ANKFN1: variants seen among roughly 807,000 people sequenced by gnomAD.
The protein encoded by ANKFN1 is ankyrin repeat and fibronectin type III domain containing 1, also known as ankyrin repeat and fibronectin type-III domain-containing protein 1.
Under a neutral mutation model 108.7 loss-of-function variants are expected in ANKFN1, and 74 were observed. The ratio of observed to expected loss-of-function variants is 0.68; its 90% CI spans 0.56 to 0.83. The LOEUF is 0.83. ANKFN1 is among the 40% of genes least tolerant of loss of function. ANKFN1 has a pLI of 0.00. For synonymous variants in ANKFN1, 547 were observed against 516.2 expected (o/e 1.06, Z -0.81); for missense variants, 1,505 against 1,382.3 (o/e 1.09, Z -1.41).
chr17:56,068,204 T>C (rs554822264), intron 4 of ANKFN1, among the ~76,000 whole-genome samples: 9 of 152,066 alleles, frequency 5.9e-5, no homozygotes, highest in Non-Finnish European at 1.0e-4. Context: ...CTGTGAAGCA[T>C]CCCTTGACCC....
chr17:56,295,609 G>A (rs2044487100), intron 3 of ANKFN1, among the ~76,000 whole-genome samples: 2 of 151,316 alleles, frequency 1.3e-5, no homozygotes, highest in South Asian at 4.1e-4. Context: ...AAAGCCGTGT[G>A]TGGGCGGTGT....
At chr17:56,509,753 G>A (rs763866528) in intron 20 of ANKFN1, among the ~76,000 whole-genome samples, 1 of 152,184 alleles carries the variant, frequency 6.6e-6, no homozygotes, top group Admixed American at 6.5e-5. Context: ...AGGAAGAAAA[G>A]CATTCCTTCT....
At chr17:56,449,043 T>C in intron 10 of ANKFN1, 36 bp from the exon 11 acceptor site, 1 of 1,594,900 alleles carries the variant, frequency 6.3e-7, no homozygotes, top group Non-Finnish European at 8.6e-7. Flanking sequence ...TCCCCTGTTT[T>C]AAAATTTCAC....
rs539361747 is a variant in ANKFN1, at chr17:56,310,386, G to A, written c.54-15835G>A. Among the ~76,000 whole-genome samples the A allele has an allele frequency of 3.3e-5, 5 of 152,274 alleles. No individual in the cohort carries two copies. In the South Asian group the frequency reaches 8.3e-4, roughly 25 times the overall value. On this transcript the variant is annotated intron_variant, in intron 3 of 20. Coordinates refer to ENST00000682825, the MANE Select transcript of ANKFN1 (RefSeq NM_001370326.1). ...TAATCCCAGCACTTTGGGAGGCCGA[G>A]GCGGGCGGATCACGAGGTCAGGAGA...
chr17:56,176,965 C>T (rs972650152), intron 1 of ANKFN1, among the ~76,000 whole-genome samples: 1 of 152,166 alleles, frequency 6.6e-6, no homozygotes, highest in African/African-American at 2.4e-5. Flanking sequence ...GTTACTCAAT[C>T]CTATAACTTA....
chr17:56,442,776 T>C, intron 9 of ANKFN1, 67 bp from the exon 10 acceptor site: 4 of 1,402,798 alleles, frequency 2.9e-6, no homozygotes, highest in East Asian at 4.6e-5. Flanking sequence ...TTAAATTCTA[T>C]ACCCATAGAG....
chr17:56,250,365 GA>G (rs1445575509), intron 3 of ANKFN1, among the ~76,000 whole-genome samples: 1 of 152,176 alleles, frequency 6.6e-6, no homozygotes, highest in African/African-American at 2.4e-5. Context: ...CGCAGCTATT[GA>G]AAAAGAAGGG....
intron 1 of ANKFN1, among the ~76,000 whole-genome samples, chr17:56,182,143 G>A (rs1911741974): frequency 6.6e-6 from 1 of 152,070 alleles, no homozygotes. Context: ...ACACAATACT[G>A]AGAATAGGCC....
In ANKFN1 at chr17:56,502,174, C is replaced by T. The variant is rs190553964; in HGVS notation, c.2644+3076C>T. 6.8e-4 allele frequency among the ~76,000 whole-genome samples: 103 copies of T among 152,282 alleles called. 1 individual carries two copies. In the East Asian group the frequency reaches 0.017, roughly 26 times the overall value. ...AACTCTTCATTTCTATTTCCACCTT[C>T]GCAGCCCCTGTCTGCCCTCTCAGCT... On this transcript the variant is annotated intron_variant, in intron 20 of 20. Coordinates refer to ENST00000682825, the MANE Select transcript of ANKFN1 (RefSeq NM_001370326.1).
intron 3 of ANKFN1, among the ~76,000 whole-genome samples, chr17:56,233,648 C>T (rs559521915): frequency 5.3e-4 from 81 of 152,084 alleles, no homozygotes; most frequent in Non-Finnish European, 1.1e-3. Flanking sequence ...ACAACTCCTC[C>T]ATTCCCTATA....
At chr17:56,480,915 GTGTGTGTA>G (rs942453763) in intron 17 of ANKFN1, 97 bp downstream of exon 17, 259 of 1,320,498 alleles carry the variant, frequency 2.0e-4, no homozygotes, top group Middle Eastern at 2.2e-4. Flanking sequence ...GTGTGTGTGT[GTGTGTGTA>G]AATTTTCCTT....
At chr17:56,310,691 T>C (rs563981442) in intron 3 of ANKFN1, among the ~76,000 whole-genome samples, 1 of 152,260 alleles carries the variant, frequency 6.6e-6, no homozygotes, top group African/African-American at 2.4e-5. Flanking sequence ...CTGATATATA[T>C]TGTGAAATGA....
At chr17:56,337,661 C>T (rs1307754999) in intron 4 of ANKFN1, among the ~76,000 whole-genome samples, 1 of 151,854 alleles carries the variant, frequency 6.6e-6, no homozygotes, top group Non-Finnish European at 1.5e-5. Flanking sequence ...ACAGACACTT[C>T]TCAAAAGAAG....
chr17:56,123,729 A>G (rs1056764941), intron 4 of ANKFN1, among the ~76,000 whole-genome samples: 2 of 151,720 alleles, frequency 1.3e-5, no homozygotes, highest in Admixed American at 6.6e-5. Context: ...GGATTAACAA[A>G]CTCAAGTTTG....
intron 4 of ANKFN1, among the ~76,000 whole-genome samples, chr17:56,072,597 T>C (rs1905133191): frequency 6.6e-6 from 1 of 152,230 alleles, no homozygotes; most frequent in Non-Finnish European, 1.5e-5. Flanking sequence ...TCCTACTTTA[T>C]ATACAACCTA....
intron 4 of ANKFN1, among the ~76,000 whole-genome samples, chr17:56,101,268 T>G (rs1598095332): frequency 6.6e-6 from 1 of 152,176 alleles, no homozygotes; most frequent in East Asian, 1.9e-4. Flanking sequence ...CAAAGACAAT[T>G]GTCTTCTTAC....
At chr17:56,288,038 T>A (rs780410969) in intron 3 of ANKFN1, among the ~76,000 whole-genome samples, 1 of 151,624 alleles carries the variant, frequency 6.6e-6, no homozygotes, top group African/African-American at 2.4e-5. Context: ...GGACCCAGAG[T>A]CATTGAAAGG....
chr17:56,116,268 G>A (rs188416602), intron 4 of ANKFN1, among the ~76,000 whole-genome samples: 131 of 152,206 alleles, frequency 8.6e-4, no homozygotes, highest in Admixed American at 8.3e-3. Flanking sequence ...GGTATTTCAT[G>A]CCTTCCAGAT....
At chr17:56,151,887 T>G (rs561996962), upstream of ANKFN1, among the ~76,000 whole-genome samples, 1 of 152,300 alleles carries the variant, frequency 6.6e-6, no homozygotes, top group East Asian at 1.9e-4. Flanking sequence ...TTAATGCAGC[T>G]GACACTCAAC....
Sources: allele counts gnomAD v4.1 joint callset (sites outside exome capture counted in the v4.1 genomes callset), GRCh38; gene constraint gnomAD v4.1.1; transcripts MANE v1.5; gene names NCBI Gene and HGNC (gene_info 2026-07-23, HGNC 2026-07-21).